Variants in TRAFD1 observed in about 807,000 individuals in gnomAD.
The protein encoded by TRAFD1 is TRAF-type zinc finger domain containing 1, also known as TRAF-type zinc finger domain-containing protein 1.
Under a neutral mutation model 65.3 loss-of-function variants are expected in TRAFD1, and 38 were observed. The observed-to-expected ratio is 0.58, with a 90% CI of 0.45 to 0.76. TRAFD1 has a LOEUF of 0.76. Ranked by LOEUF, TRAFD1 falls within the 30% of genes least tolerant of loss-of-function variation. The pLI, the probability that TRAFD1 is intolerant of heterozygous loss-of-function variation, is 0.00. For missense variants in TRAFD1, 631 were observed against 712.6 expected (o/e 0.89, Z 1.30); for synonymous variants, 223 against 257.2 (o/e 0.87, Z 1.27).
At chr12:112,149,652 C>A in intron 8 of TRAFD1, 99 bp from the exon 9 acceptor site, 2 of 1,499,454 alleles carry the variant, frequency 1.3e-6, no homozygotes. Flanking sequence ...TGTCAAAGTC[C>A]CCCTCCAGAT....
chr12:112,135,255 A>T (rs2079592026), intron 4 of TRAFD1, among the ~76,000 whole-genome samples, 189 bp downstream of exon 4: 1 of 152,136 alleles, frequency 6.6e-6, no homozygotes, highest in Non-Finnish European at 1.5e-5. Context: ...GTTGGAACTC[A>T]CTTGTGTATG....
Position 112,130,457 on chromosome 12 carries a change from A to T in TRAFD1, c.-12-54A>T. The T allele has an allele frequency of 6.9e-7, 1 of 1,454,718 alleles. No homozygotes were observed. The highest frequency in any genetic ancestry group is 9.6e-7 in the Non-Finnish European group (1 of 1,045,282). 90.1% of individuals were successfully genotyped at this position (1,454,718 alleles called of 1,614,324 possible). A position where few individuals can be genotyped will look rare whatever the true frequency, so the allele number is the denominator to read the frequency against. On this transcript the variant is annotated intron_variant, in intron 1 of 11. Transcript: ENST00000412615. This position sits in a 1 kb window ranked among gnomAD's most constrained non-coding sequence, Gnocchi z 4.4. ...TTTTTTATTTGTTTTTTTGCATGTC[A>T]TCTTTAAAGCAGAAATGAAAGAGAA...
Position 112,147,253 on chromosome 12 carries a change from T to A in TRAFD1, c.928-821T>A, listed in dbSNP as rs146782639. Reference sequence around the variant, plus strand: ...ACCTCGTGACCTGCCCACTTCAGCCTCCCAAAGTGCTGAGATTACAGGCGT... The same window carrying A: ...ACCTCGTGACCTGCCCACTTCAGCCACCCAAAGTGCTGAGATTACAGGCGT... On this transcript the variant is annotated intron_variant, in intron 7 of 11. Transcript: ENST00000412615. 7.6e-4 allele frequency among the ~76,000 whole-genome samples: 115 copies of A among 152,090 alleles called. 1 individual carries two copies. Among genetic ancestry groups the A allele is most frequent in the East Asian group, 4.3e-3 (22 of 5,158 alleles).
intron 8 of TRAFD1, 63 bp downstream of exon 8, chr12:112,148,367 G>A: frequency 2.1e-6 from 3 of 1,396,614 alleles, no homozygotes; most frequent in South Asian, 1.2e-5. Context: ...TTCCAGAGCT[G>A]AGAACACTTC....
Position 112,152,311 on chromosome 12 carries a change from C to G in TRAFD1, c.1620-116C>G. 1 of 1,467,358 alleles carries G rather than the reference C, an allele frequency of 6.8e-7. No homozygotes were observed. Among genetic ancestry groups the G allele is most frequent in the Admixed American group, 1.9e-5 (1 of 53,564 alleles). The allele number at this position is 1,467,358 out of a possible 1,614,324, so 90.9% of individuals were successfully genotyped here. A position where few individuals can be genotyped will look rare whatever the true frequency, so the allele number is the denominator to read the frequency against. ...TGACTCCAAAAAAATTATTTTGTGG[C>G]CTATGGGTTTTTTGGGGTTTGTCTG... On this transcript the variant is annotated intron_variant, in intron 10 of 11. Transcript: ENST00000412615. The surrounding 1 kb of genome is among the most constrained non-coding windows in gnomAD (Gnocchi z 5.0).
In TRAFD1 at chr12:112,148,276, T is replaced by C; in HGVS notation, c.1130T>C (p.Leu377Pro). 6.2e-7 allele frequency: 1 copy of C among 1,614,144 alleles called. No individual in the cohort carries two copies. Among genetic ancestry groups the C allele is most frequent in the South Asian group, 1.1e-5 (1 of 91,078 alleles). ...CCATGTGAATTCTGTGGGGTACAGC[T>C]GGAAGAGGAGGTGCTGTTCCATCAC... is the stretch of plus-strand genomic sequence containing the variant. Reference protein sequence around the residue: ...IIPCEFCGVQLEEEVLFHHQD... With the variant: ...IIPCEFCGVQPEEEVLFHHQD... The change falls in exon 8 of 12, where the codon CTG becomes CCG. Residue 377 changes from leucine to proline, a missense_variant. Transcript: ENST00000412615.
chr12:112,144,078 C>A (rs1351649957), intron 6 of TRAFD1, among the ~76,000 whole-genome samples: 1 of 152,044 alleles, frequency 6.6e-6, no homozygotes, highest in African/African-American at 2.4e-5. Flanking sequence ...ACTTATTTTT[C>A]TTTTGTGTCC....
chr12:112,140,970 C>T lies in TRAFD1; in HGVS notation c.389C>T (p.Thr130Ile). 1 of 1,614,160 alleles carries T rather than the reference C, an allele frequency of 6.2e-7. No homozygotes were observed. The highest frequency in any genetic ancestry group is 8.5e-7 in the Non-Finnish European group (1 of 1,180,036). The change falls in exon 5 of 12, where the codon ACT (threonine) becomes ATT (isoleucine). Residue 130 changes from threonine to isoleucine, a missense_variant. Transcript: ENST00000412615. ...GRNVLVKDLKTHPEVCGREGE... is the reference protein window; with the variant it reads ...GRNVLVKDLKIHPEVCGREGE... The stretch of plus-strand genomic sequence containing the variant: ...AATGTCCTTGTGAAAGATCTGAAGA[C>T]TCACCCTGAAGTTTGTGGGAGAGAG...
chr12:112,135,032 A>G lies in TRAFD1; in HGVS notation c.203A>G (p.Lys68Arg). ...EHCQVTCKCN[K>R]KLEKRLLKKH... ...CTCTAGGTGACCTGCAAATGTAACAAGAAGTTGGAGAAGAGGCTGTTAAAG... is the reference window on the plus strand; with the variant it reads ...CTCTAGGTGACCTGCAAATGTAACAGGAAGTTGGAGAAGAGGCTGTTAAAG... The change falls in exon 4 of 12, where the codon AAG becomes AGG. Residue 68 changes from lysine (K) to arginine (R), a missense_variant. Transcript: ENST00000412615. 1 of 1,614,228 alleles carries G rather than the reference A, an allele frequency of 6.2e-7. No homozygotes were observed. The highest frequency in any genetic ancestry group is 8.5e-7 in the Non-Finnish European group (1 of 1,180,044).
At chr12:112,144,224 T>C (rs1463254963) in intron 6 of TRAFD1, among the ~76,000 whole-genome samples, 7 of 151,956 alleles carry the variant, frequency 4.6e-5, no homozygotes, top group Non-Finnish European at 8.8e-5. Context: ...GGCAGGCACA[T>C]AGAGATACTA....
chr12:112,142,692 CTTACA>C (rs753927753), intron 6 of TRAFD1, among the ~76,000 whole-genome samples: 5 of 151,766 alleles, frequency 3.3e-5, no homozygotes, highest in African/African-American at 9.7e-5. Context: ...AAGTAGAGAA[CTTACA>C]TTAAAGTTGC....
At chr12:112,151,369 C>T (rs900267605) in intron 9 of TRAFD1, among the ~76,000 whole-genome samples, 6 of 151,888 alleles carry the variant, frequency 4.0e-5, no homozygotes, top group African/African-American at 1.2e-4. Context: ...ATGTGGGTTC[C>T]AGCAGCCTTT....
At position 112,125,591 on chromosome 12, in the gene TRAFD1, C is replaced by T. The variant is rs2079531347; in HGVS notation, c.-40C>T. ...GGCTCCGTGTCTGCAGCTAGTGTGT[C>T]AACTCAGCGTTTCTCCTCTCGTCCC... On this transcript the variant is annotated 5_prime_UTR_variant, in exon 1 of 12. Transcript: ENST00000412615. 1 of 152,620 alleles carries T rather than the reference C, an allele frequency of 6.6e-6. No homozygotes were observed. The highest frequency in any genetic ancestry group is 2.4e-5 in the African/African-American group (1 of 41,474). 9.5% of individuals were successfully genotyped at this position (152,620 alleles called of 1,614,324 possible).
At chr12:112,144,969 C>G (rs1038862159) in intron 6 of TRAFD1, among the ~76,000 whole-genome samples, 1 of 152,204 alleles carries the variant, frequency 6.6e-6, no homozygotes, top group Non-Finnish European at 1.5e-5. Context: ...TCTAGTTACT[C>G]TACTTGGTAG....
intron 8 of TRAFD1, among the ~76,000 whole-genome samples, chr12:112,148,856 A>G (rs1177848405): frequency 6.6e-6 from 1 of 152,202 alleles, no homozygotes; most frequent in African/African-American, 2.4e-5. Flanking sequence ...TGCAGCTACC[A>G]TTTCTGTAGT....
Position 112,152,337 on chromosome 12 carries a change from C to A in TRAFD1, c.1620-90C>A. 1 of 1,542,644 alleles carries A rather than the reference C, an allele frequency of 6.5e-7. No homozygotes were observed. Among genetic ancestry groups the A allele is most frequent in the African/African-American group, 1.4e-5 (1 of 73,140 alleles). The stretch of plus-strand genomic sequence containing the variant: ...CTATGGGTTTTTTGGGGTTTGTCTG[C>A]TAGCATAGGACTGCTTCCTGTTCCC... On this transcript the variant is annotated intron_variant, in intron 10 of 11. Transcript: ENST00000412615. The surrounding 1 kb of genome is among the most constrained non-coding windows in gnomAD (Gnocchi z 5.0).
At chr12:112,149,945 A>G in intron 9 of TRAFD1, 74 bp downstream of exon 9, 1 of 1,588,690 alleles carries the variant, frequency 6.3e-7, no homozygotes. Context: ...CTTCCCATCC[A>G]CTGCTCTAAT....
At chr12:112,149,723 G>T in intron 8 of TRAFD1, 28 bp from the exon 9 acceptor site, 4 of 1,613,442 alleles carry the variant, frequency 2.5e-6, no homozygotes, top group Admixed American at 1.7e-5. Flanking sequence ...TCAATTCAGA[G>T]GTACTAATTC....
chr12:112,135,231 T>G (rs2079591878), intron 4 of TRAFD1, among the ~76,000 whole-genome samples, 165 bp downstream of exon 4: 1 of 152,228 alleles, frequency 6.6e-6, no homozygotes, highest in East Asian at 1.9e-4. Context: ...GCTGCCAGAT[T>G]CGGCTACCTG....
Sources: gnomAD v4.1 joint callset for allele counts (sites outside exome capture counted in the v4.1 genomes callset) on GRCh38, gnomAD v4.1.1 for gene constraint, Gnocchi (gnomAD v3.1) non-coding constraint, MANE v1.5 for transcripts, NCBI Gene and HGNC (gene_info 2026-07-23, HGNC 2026-07-21) for gene names.